The following GALNT2 variants were observed in gnomAD, a reference collection of about 807,000 sequenced individuals.
GALNT2 encodes polypeptide N-acetylgalactosaminyltransferase 2, also known as UDP-GalNAc:polypeptide N-acetylgalactosaminyltransferase 2.
A neutral mutation model predicts 81.4 loss-of-function variants in GALNT2; 31 were observed. The ratio of observed to expected loss-of-function variants is 0.38; its 90% CI spans 0.29 to 0.51. The LOEUF is 0.51. Among genes scored for constraint, GALNT2 ranks in the 20% least tolerant of loss-of-function variants. The pLI, the probability that GALNT2 is intolerant of heterozygous loss-of-function variation, is 0.87. For synonymous variants in GALNT2, 303 were observed against 287.4 expected (o/e 1.05, Z -0.55); for missense variants, 629 against 765.7 (o/e 0.82, Z 2.11).
intron 3 of GALNT2, among the ~76,000 whole-genome samples, chr1:230,230,906 A>C (rs550924820): frequency 1.4e-4 from 21 of 152,186 alleles, no homozygotes; most frequent in African/African-American, 4.8e-4. Context: ...GTGTGGTCTT[A>C]CTGTTGGCCA....
At chr1:230,274,995 A>G (rs1017397808) in intron 15 of GALNT2, among the ~76,000 whole-genome samples, 5 of 151,878 alleles carry the variant, frequency 3.3e-5, no homozygotes, top group African/African-American at 1.2e-4. Context: ...ACATATATAC[A>G]TATATACATG....
intron 1 of GALNT2, among the ~76,000 whole-genome samples, chr1:230,088,582 G>C (rs1330966761): frequency 6.7e-6 from 1 of 149,726 alleles, no homozygotes; most frequent in East Asian, 2.0e-4. Flanking sequence ...CTGTCACCCA[G>C]GCTGGAGTGC....
Position 230,224,912 on chromosome 1 carries a change from G to A in GALNT2, c.375-11102G>A, listed in dbSNP as rs1033609429. 5.3e-5 allele frequency among the ~76,000 whole-genome samples: 8 copies of A among 152,352 alleles called. 1 individual carries two copies. Among genetic ancestry groups the A allele is most frequent in the Admixed American group, 3.9e-4 (6 of 15,308 alleles). The stretch of plus-strand genomic sequence containing the variant: ...TACGTTGCAGAATGCAGAAGCCTGC[G>A]GTATTCAAGAAAGCTATTTTAGACG... On this transcript the variant is annotated intron_variant, in intron 3 of 15. Transcript: ENST00000366672.
rs1348712223 is a variant in GALNT2, at chr1:230,281,863, T to C, written c.*2405T>C. ...CACTCCTGTTTTTAAAACTCAGAATTCTTTCCTAAGAGCCCTTCGAGCAAA... is the reference window on the plus strand; with the variant it reads ...CACTCCTGTTTTTAAAACTCAGAATCCTTTCCTAAGAGCCCTTCGAGCAAA... On this transcript the variant is annotated 3_prime_UTR_variant, in exon 16 of 16. Coordinates refer to ENST00000366672, the MANE Select transcript of GALNT2 (RefSeq NM_004481.5). 2 of 152,610 alleles carry C rather than the reference T, an allele frequency of 1.3e-5. No homozygotes were observed. The highest frequency in any genetic ancestry group is 2.9e-5 in the Non-Finnish European group (2 of 68,042). 9.5% of individuals were successfully genotyped at this position (152,610 alleles called of 1,614,324 possible).
chr1:230,115,143 T>A (rs1371436924), intron 1 of GALNT2, among the ~76,000 whole-genome samples: 1 of 151,858 alleles, frequency 6.6e-6, no homozygotes, highest in African/African-American at 2.4e-5. Context: ...GTAGGTGGGA[T>A]TACAAGCTCC....
At chr1:230,254,567 C>G (rs549960450) in intron 10 of GALNT2, among the ~76,000 whole-genome samples, 56 of 152,162 alleles carry the variant, frequency 3.7e-4, no homozygotes, top group Non-Finnish European at 6.9e-4. Flanking sequence ...AGACTTGAGC[C>G]TGCTAATACA....
chr1:230,094,429 G>GT (rs1401391053), intron 1 of GALNT2, among the ~76,000 whole-genome samples: 1 of 152,076 alleles, frequency 6.6e-6, no homozygotes, highest in Non-Finnish European at 1.5e-5. Flanking sequence ...GAGCTCAGGA[G>GT]TTTGAGACCA....
At chr1:230,201,775 G>A (rs981270541) in intron 2 of GALNT2, among the ~76,000 whole-genome samples, 13 of 152,114 alleles carry the variant, frequency 8.5e-5, no homozygotes, top group African/African-American at 2.4e-4. Flanking sequence ...TGCTCATGTC[G>A]ACACTAGGAC....
chr1:230,249,853 C>G (rs1190241995), intron 9 of GALNT2, among the ~76,000 whole-genome samples: 1 of 152,242 alleles, frequency 6.6e-6, no homozygotes, highest in Non-Finnish European at 1.5e-5. Flanking sequence ...TAGCCAACAT[C>G]TGCAGTGTGC....
At chr1:230,266,276 T>C (rs1390090476) in intron 14 of GALNT2, among the ~76,000 whole-genome samples, 1 of 152,214 alleles carries the variant, frequency 6.6e-6, no homozygotes, top group Admixed American at 6.5e-5. Flanking sequence ...AAATGAAGGC[T>C]TGATGGGCCC....
chr1:230,185,112 A>C (rs1663281527), intron 2 of GALNT2, among the ~76,000 whole-genome samples: 1 of 152,064 alleles, frequency 6.6e-6, no homozygotes, highest in Non-Finnish European at 1.5e-5. Flanking sequence ...TTCGCTGCTT[A>C]CATTATCTGT....
At chr1:230,110,090 C>T (rs1660658983) in intron 1 of GALNT2, among the ~76,000 whole-genome samples, 1 of 152,200 alleles carries the variant, frequency 6.6e-6, no homozygotes, top group South Asian at 2.1e-4. Flanking sequence ...TGCAGCCGTT[C>T]TCTGTGCAGA....
chr1:230,276,557 C>T (rs1168567169), intron 15 of GALNT2, among the ~76,000 whole-genome samples: 2 of 152,186 alleles, frequency 1.3e-5, no homozygotes, highest in Admixed American at 6.5e-5. Flanking sequence ...ACCGAGTCCC[C>T]GGTTCTGACC....
intron 3 of GALNT2, among the ~76,000 whole-genome samples, chr1:230,223,875 C>G (rs1417281586): frequency 6.6e-6 from 1 of 152,230 alleles, no homozygotes; most frequent in Non-Finnish European, 1.5e-5. Flanking sequence ...AGCTTTTCTC[C>G]TGTCCACTTG....
intron 1 of GALNT2, among the ~76,000 whole-genome samples, chr1:230,115,331 A>G (rs1241772328): frequency 6.6e-6 from 1 of 152,184 alleles, no homozygotes; most frequent in Non-Finnish European, 1.5e-5. Context: ...ACAAATGTAC[A>G]GACACACGTC....
At chr1:230,224,365 C>G (rs1032677655) in intron 3 of GALNT2, among the ~76,000 whole-genome samples, 3 of 152,178 alleles carry the variant, frequency 2.0e-5, no homozygotes, top group Non-Finnish European at 4.4e-5. Flanking sequence ...TGACTCTAGC[C>G]TTAAATGGTG....
rs1407202003 is a variant in GALNT2, at chr1:230,279,346, G to T, written c.1604G>T (p.Gly535Val). Reference sequence around the variant, plus strand: ...GGCAACTCCAAGCTGAGGCACGTGGGCAGCAACCTGTGCCTGGACAGTCGC... The same window carrying T: ...GGCAACTCCAAGCTGAGGCACGTGGTCAGCAACCTGTGCCTGGACAGTCGC... ...IEGNSKLRHVGSNLCLDSRTA... is the reference protein window; with the variant it reads ...IEGNSKLRHVVSNLCLDSRTA... The change falls in exon 16 of 16, where the codon GGC becomes GTC. Residue 535 changes from glycine (G) to valine (V), a missense_variant. Gly to Val is a moderately radical substitution (Grantham distance 109). Transcript: ENST00000366672. This position sits in a 1 kb window ranked among gnomAD's most constrained non-coding sequence, Gnocchi z 4.6. The T allele has an allele frequency of 6.2e-7, 1 of 1,614,042 alleles. No individual in the cohort carries two copies. The highest frequency in any genetic ancestry group is 8.5e-7 in the Non-Finnish European group (1 of 1,180,038).
chr1:230,252,719 G>A (rs1048813696), intron 10 of GALNT2, among the ~76,000 whole-genome samples: 5 of 152,240 alleles, frequency 3.3e-5, no homozygotes, highest in South Asian at 2.1e-4. Context: ...GCCCTGGAAG[G>A]ATCCCTTGTT....
chr1:230,142,977 T>C (rs1287170374), intron 1 of GALNT2, among the ~76,000 whole-genome samples: 2 of 152,166 alleles, frequency 1.3e-5, no homozygotes, highest in African/African-American at 4.8e-5. Context: ...CTGTGGCTGC[T>C]CTTCAGAGCA....
Sources: gnomAD v4.1 joint callset for allele counts (sites outside exome capture counted in the v4.1 genomes callset) on GRCh38, gnomAD v4.1.1 for gene constraint, Gnocchi (gnomAD v3.1) non-coding constraint, MANE v1.5 for transcripts, NCBI Gene and HGNC (gene_info 2026-07-23, HGNC 2026-07-21) for gene names.